ADARB1: variants seen among roughly 807,000 people sequenced by gnomAD.
ADARB1 encodes the protein double-stranded RNA-specific editase 1.
Under a neutral mutation model 52.4 loss-of-function variants are expected in ADARB1, and 10 were observed. That is an observed-to-expected ratio of 0.19 (90% CI 0.12 to 0.32). The LOEUF (loss-of-function observed/expected upper bound fraction) is 0.32, where lower values mean the gene tolerates loss of function less well. ADARB1 is among the 10% of genes least tolerant of loss of function. The pLI, the probability that ADARB1 is intolerant of heterozygous loss-of-function variation, is 1.00. For missense variants in ADARB1, 643 were observed against 922.3 expected, an observed-to-expected ratio of 0.70 and a Z score of 3.92; for synonymous variants, 349 against 371.1, an observed-to-expected ratio of 0.94 and a Z score of 0.68.
At chr21:45,162,136 A>C (rs373887564) in intron 2 of ADARB1, among the ~76,000 whole-genome samples, 1 of 152,172 alleles carries the variant, frequency 6.6e-6, no homozygotes. Flanking sequence ...GAAGAGCTGC[A>C]GCCCTTCAAG....
In ADARB1 at chr21:45,176,616, A is replaced by C; in HGVS notation, c.915A>C (p.Pro305=). ...TTAACTTGCACTTGGATCAGACGCC[A>C]TCTCGCCAGCCTATTCCCAGTGAGG... ...AIFNLHLDQT[P]SRQPIPSEGL... The change falls in exon 4 of 11, where the codon CCA becomes CCC. Residue 305 remains proline, a synonymous_variant. Coordinates refer to ENST00000348831, the MANE Select transcript of ADARB1 (RefSeq NM_001112.4). This position sits in a 1 kb window ranked among gnomAD's most constrained non-coding sequence, Gnocchi z 5.8. 2.5e-6 allele frequency: 4 copies of C among 1,613,900 alleles called. No homozygotes were observed. Among genetic ancestry groups the C allele is most frequent in the Non-Finnish European group, 3.4e-6 (4 of 1,179,934 alleles).
chr21:45,176,753 A>T lies in ADARB1; in HGVS notation c.963+89A>T. ...CATTTTAGTTTCAGGATTACTGTTG[A>T]CTTTCCACCTTGACATCACTCTGTC... On this transcript the variant is annotated intron_variant, in intron 4 of 10. Transcript: ENST00000348831. This position sits in a 1 kb window ranked among gnomAD's most constrained non-coding sequence, Gnocchi z 5.8. The T allele has an allele frequency of 7.4e-7, 1 of 1,352,748 alleles. No individual in the cohort carries two copies. The highest frequency in any genetic ancestry group is 1.4e-5 in the South Asian group (1 of 69,130). The allele number at this position is 1,352,748 out of a possible 1,614,324, so 83.8% of individuals were successfully genotyped here. A position where few individuals can be genotyped will look rare whatever the true frequency, so the allele number is the denominator to read the frequency against.
chr21:45,096,129 A>G (rs1048487977), intron 1 of ADARB1, among the ~76,000 whole-genome samples: 1 of 152,252 alleles, frequency 6.6e-6, no homozygotes, highest in African/African-American at 2.4e-5. Flanking sequence ...AGTAACGAGC[A>G]TGGCTGGGGG....
In ADARB1 at chr21:45,204,459, AT is replaced by A; in HGVS notation, c.1566-94del. The stretch of plus-strand genomic sequence containing the variant: ...CGTCAGTTGGTTGGGATCCTGCGGA[AT>A]TGCCAGTGCATCCCTGTAACCACGC... On this transcript the variant is annotated intron_variant, in intron 8 of 10. Transcript: ENST00000348831. This position sits in a 1 kb window ranked among gnomAD's most constrained non-coding sequence, Gnocchi z 4.4. 6.6e-6 allele frequency: 8 copies of A among 1,218,318 alleles called. No homozygotes were observed. In the South Asian group the frequency reaches 1.2e-4, roughly 18 times the overall value. 75.5% of individuals were successfully genotyped at this position (1,218,318 alleles called of 1,614,324 possible).
chr21:45,074,662 G>A lies in ADARB1; in HGVS notation c.-351G>A, dbSNP rs1286013799. On this transcript the variant is annotated 5_prime_UTR_variant, in exon 1 of 11. Coordinates refer to ENST00000348831, the MANE Select transcript of ADARB1 (RefSeq NM_001112.4). ...GGCCAGGTTGGCGGCCGGGGCTCCGGGCCGCGCGAGGCCACGGCCACGCCG... is the reference window on the plus strand; with the variant it reads ...GGCCAGGTTGGCGGCCGGGGCTCCGAGCCGCGCGAGGCCACGGCCACGCCG... 3 of 145,262 alleles carry A rather than the reference G, an allele frequency of 2.1e-5. No homozygotes were observed. The highest frequency in any genetic ancestry group is 7.4e-5 in the African/African-American group (3 of 40,638). The allele number at this position is 145,262 out of a possible 1,614,324, so 9.0% of individuals were successfully genotyped here. A position where few individuals can be genotyped will look rare whatever the true frequency, so the allele number is the denominator to read the frequency against.
At chr21:45,143,587 G>T (rs1424386815) in intron 2 of ADARB1, among the ~76,000 whole-genome samples, 2 of 152,208 alleles carry the variant, frequency 1.3e-5, no homozygotes, top group African/African-American at 4.8e-5. Flanking sequence ...CCATATGACT[G>T]CCATGTCCTC....
chr21:45,120,323 C>A (rs1353537697), intron 1 of ADARB1, among the ~76,000 whole-genome samples: 2 of 152,180 alleles, frequency 1.3e-5, no homozygotes, highest in Non-Finnish European at 2.9e-5. Context: ...CTGATTAAAT[C>A]CATTTACATT....
chr21:45,158,037 C>T (rs1415532176), intron 2 of ADARB1, among the ~76,000 whole-genome samples: 1 of 152,210 alleles, frequency 6.6e-6, no homozygotes, highest in African/African-American at 2.4e-5. Context: ...GGGGTGATCA[C>T]TGATTGTTGT....
At chr21:45,087,690 A>G (rs958969622) in intron 1 of ADARB1, among the ~76,000 whole-genome samples, 1 of 152,156 alleles carries the variant, frequency 6.6e-6, no homozygotes, top group African/African-American at 2.4e-5. Flanking sequence ...AATACTTCAT[A>G]TACTCCAAAG....
At position 45,095,733 on chromosome 21, in the gene ADARB1, A is replaced by G. The variant is rs577397989; in HGVS notation, c.-220+20940A>G. On this transcript the variant is annotated intron_variant, in intron 1 of 10. Coordinates refer to ENST00000348831, the MANE Select transcript of ADARB1 (RefSeq NM_001112.4). ...GCATCAGGAAAGCGATAAGGAGTTC[A>G]GGAAACCCAGTGTCTCTCATTGGCT... Among the ~76,000 whole-genome samples the G allele has an allele frequency of 1.6e-3, 239 of 152,302 alleles. 1 individual carries two copies. Among genetic ancestry groups the G allele is most frequent in the Non-Finnish European group, 2.8e-3 (188 of 68,030 alleles).
chr21:45,120,953 A>G (rs1601434892), intron 1 of ADARB1: 1 of 152,136 alleles, frequency 6.6e-6, no homozygotes, highest in African/African-American at 2.4e-5. Flanking sequence ...CCAGCTGTGT[A>G]TTCTTGGTAT....
chr21:45,090,651 C>A (rs1328180744), intron 1 of ADARB1, among the ~76,000 whole-genome samples: 1 of 152,184 alleles, frequency 6.6e-6, no homozygotes, highest in African/African-American at 2.4e-5. Context: ...TGTGCACTCA[C>A]ACAACCATCA....
At chr21:45,216,508 T>C (rs2092866109) in intron 9 of ADARB1, among the ~76,000 whole-genome samples, 1 of 152,140 alleles carries the variant, frequency 6.6e-6, no homozygotes, top group Admixed American at 6.5e-5. Context: ...TTTAGAAGTC[T>C]GCTATTTAGT....
intron 1 of ADARB1, among the ~76,000 whole-genome samples, chr21:45,076,584 C>G (rs1568985788): frequency 6.6e-6 from 1 of 152,182 alleles, no homozygotes. Context: ...ACACATGTGT[C>G]TCTGGTGTGA....
At chr21:45,139,974 G>T in intron 2 of ADARB1, among the ~76,000 whole-genome samples, 1 of 107,464 alleles carries the variant, frequency 9.3e-6, no homozygotes, top group Non-Finnish European at 1.7e-5. Context: ...ACAGAGTTTC[G>T]CTCTTGTCAC....
chr21:45,203,823 C>A (rs1469627217), intron 8 of ADARB1, among the ~76,000 whole-genome samples: 1 of 152,218 alleles, frequency 6.6e-6, no homozygotes, highest in Non-Finnish European at 1.5e-5. Flanking sequence ...CCCCGCTTCT[C>A]CGTAGATGTG....
chr21:45,219,856 A>T (rs938110832), intron 9 of ADARB1, among the ~76,000 whole-genome samples: 10 of 152,164 alleles, frequency 6.6e-5, no homozygotes, highest in Admixed American at 6.5e-4. Context: ...TCATAAGCAG[A>T]TATTACCATC....
At chr21:45,094,941 C>T (rs1425563819) in intron 1 of ADARB1, among the ~76,000 whole-genome samples, 1 of 152,180 alleles carries the variant, frequency 6.6e-6, no homozygotes, top group African/African-American at 2.4e-5. Flanking sequence ...AAGCTGGCAG[C>T]CTCATTCTGC....
chr21:45,126,628 A>G (rs79025011), intron 1 of ADARB1, among the ~76,000 whole-genome samples: 33 of 152,266 alleles, frequency 2.2e-4, no homozygotes, highest in African/African-American at 7.2e-4. Flanking sequence ...ACACGACTGC[A>G]AGGCTGAGGT....
Sources: allele counts gnomAD v4.1 joint callset (sites outside exome capture counted in the v4.1 genomes callset), GRCh38; gene constraint gnomAD v4.1.1; non-coding constraint Gnocchi (gnomAD v3.1); transcripts MANE v1.5; gene names NCBI Gene and HGNC (gene_info 2026-07-23, HGNC 2026-07-21).